The following MPZL1 variants were observed in gnomAD, a reference collection of about 807,000 sequenced individuals.
MPZL1 encodes the protein myelin protein zero-like protein 1.
Under a neutral mutation model 29.3 loss-of-function variants are expected in MPZL1, and 16 were observed. The observed-to-expected ratio is 0.55, with a 90% CI of 0.37 to 0.83. The LOEUF is 0.83. Among genes scored for constraint, MPZL1 ranks in the 40% least tolerant of loss-of-function variants. The pLI is 0.00. For missense variants in MPZL1, 279 were observed against 332.9 expected, an observed-to-expected ratio of 0.84 and a Z score of 1.26; for synonymous variants, 143 against 132.0, an observed-to-expected ratio of 1.08 and a Z score of -0.57.
chr1:167,787,922 G>A lies in MPZL1; in HGVS notation c.*1G>A. The A allele has an allele frequency of 6.2e-7, 1 of 1,602,866 alleles. No homozygotes were observed. The highest frequency in any genetic ancestry group is 8.5e-7 in the Non-Finnish European group (1 of 1,169,774). On this transcript the variant is annotated 3_prime_UTR_variant, in exon 6 of 6. Coordinates refer to ENST00000359523, the MANE Select transcript of MPZL1 (RefSeq NM_003953.6). ...GTATGCGGATATCCGAAAGAATTAA[G>A]AGAATACCTAGAACATATCCTCAGC...
At chr1:167,756,736 G>A (rs1660876462) in intron 1 of MPZL1, among the ~76,000 whole-genome samples, 1 of 151,864 alleles carries the variant, frequency 6.6e-6, no homozygotes, top group Non-Finnish European at 1.5e-5. Flanking sequence ...CATTTTTCCT[G>A]ACATTCAAAC....
rs1327043516 is a variant in MPZL1 at position 167,765,728 on chromosome 1, G to A, written c.237G>A (p.Glu79=). The A allele has an allele frequency of 6.2e-7, 1 of 1,611,438 alleles. No homozygotes were observed. Among genetic ancestry groups the A allele is most frequent in the African/African-American group, 1.3e-5 (1 of 74,938 alleles). ...LTSVSWSFQP[E]GADTTVSFFH... ...CAGTCTCCTGGAGCTTCCAGCCAGAGGGGGCCGACACTACTGTGTCGGTAA... is the reference window on the plus strand; with the variant it reads ...CAGTCTCCTGGAGCTTCCAGCCAGAAGGGGCCGACACTACTGTGTCGGTAA... The change falls in exon 2 of 6, where the codon GAG becomes GAA. Residue 79 remains glutamate (E), a synonymous_variant. Transcript: ENST00000359523.
intron 1 of MPZL1, among the ~76,000 whole-genome samples, chr1:167,722,832 T>C (rs1021621285): frequency 2.0e-5 from 3 of 152,212 alleles, no homozygotes; most frequent in Admixed American, 2.0e-4. Flanking sequence ...AAAAATATTG[T>C]TACTTCTAGG....
At position 167,758,881 on chromosome 1, in the gene MPZL1, C is replaced by T. The variant is rs536864947; in HGVS notation, c.92-6702C>T. On this transcript the variant is annotated intron_variant, in intron 1 of 5. Transcript: ENST00000359523. ...CAGGATTCGGTACTCCTTATAGAAC[C>T]GTTCCCCAGAGAGAAAGTAAGCTCA... Among the ~76,000 whole-genome samples the T allele has an allele frequency of 4.0e-4, 61 of 152,278 alleles. 1 individual carries two copies. The highest frequency in any genetic ancestry group is 3.4e-3 in the Middle Eastern group (1 of 294).
rs151168239 is a variant in MPZL1 at position 167,760,195 on chromosome 1, T to C, written c.92-5388T>C. 6.0e-3 allele frequency among the ~76,000 whole-genome samples: 919 copies of C among 152,128 alleles called. 5 individuals are homozygous for C. Among genetic ancestry groups the C allele is most frequent in the Middle Eastern group, 6.8e-3 (2 of 294 alleles). On this transcript the variant is annotated intron_variant, in intron 1 of 5. Transcript: ENST00000359523. ...AGAGATCAATTTCTAGATAGGTTTCTTTTGTTTTGTTTTGTTTTGTTTTTT... is the reference window on the plus strand; with the variant it reads ...AGAGATCAATTTCTAGATAGGTTTCCTTTGTTTTGTTTTGTTTTGTTTTTT...
At chr1:167,729,065 A>G (rs1479872467) in intron 1 of MPZL1, among the ~76,000 whole-genome samples, 14 of 152,044 alleles carry the variant, frequency 9.2e-5, no homozygotes, top group Non-Finnish European at 1.6e-4. Context: ...AAGGAGTACA[A>G]GACCAGCCTG....
chr1:167,787,577 G>A (rs1006333119), intron 5 of MPZL1, among the ~76,000 whole-genome samples: 1 of 152,246 alleles, frequency 6.6e-6, no homozygotes, highest in African/African-American at 2.4e-5. Flanking sequence ...CATCAAAAAG[G>A]TTTGAAAGAA....
intron 1 of MPZL1, among the ~76,000 whole-genome samples, chr1:167,723,003 C>G (rs13376029): frequency 0.053 from 8,092 of 152,140 alleles, 737 homozygotes; most frequent in African/African-American, 0.18. Flanking sequence ...TTTTTCTTAC[C>G]AAATATTGTG....
At chr1:167,769,041 CA>C (rs1170700933) in intron 2 of MPZL1, among the ~76,000 whole-genome samples, 1 of 152,182 alleles carries the variant, frequency 6.6e-6, no homozygotes, top group African/African-American at 2.4e-5. Context: ...GCTTTGAAAT[CA>C]GAGCTGAGTT....
intron 1 of MPZL1, among the ~76,000 whole-genome samples, chr1:167,738,264 A>C (rs1308822919): frequency 6.6e-6 from 1 of 151,928 alleles, no homozygotes; most frequent in Non-Finnish European, 1.5e-5. Flanking sequence ...TTTTTGATTT[A>C]ACTAAATAAT....
intron 1 of MPZL1, among the ~76,000 whole-genome samples, chr1:167,731,793 A>T (rs1465167042): frequency 6.6e-6 from 1 of 151,856 alleles, no homozygotes; most frequent in Non-Finnish European, 1.5e-5. Context: ...AGGAGGCAGG[A>T]GGATCACTTG....
intron 1 of MPZL1, among the ~76,000 whole-genome samples, chr1:167,737,096 G>A (rs377261466): frequency 4.9e-4 from 74 of 152,242 alleles, no homozygotes; most frequent in African/African-American, 1.7e-3. Flanking sequence ...TTGCCTCTAA[G>A]CTTCCTCTAT....
intron 1 of MPZL1, among the ~76,000 whole-genome samples, chr1:167,739,274 C>CATATATAT (rs201991698): frequency 1.3e-3 from 105 of 83,138 alleles, no homozygotes; most frequent in South Asian, 1.8e-3. Context: ...TACATATATA[C>CATATATAT]ATATATACAT....
intron 1 of MPZL1, among the ~76,000 whole-genome samples, chr1:167,756,929 G>A (rs542724624): frequency 6.6e-6 from 1 of 152,286 alleles, no homozygotes; most frequent in African/African-American, 2.4e-5. Context: ...AGGGTGGGGA[G>A]TGTGGGGCAG....
chr1:167,744,266 A>T (rs532345747), intron 1 of MPZL1, among the ~76,000 whole-genome samples: 30 of 152,232 alleles, frequency 2.0e-4, no homozygotes, highest in Admixed American at 7.9e-4. Context: ...GTTGCAGACC[A>T]CATAGTCACA....
Position 167,763,873 on chromosome 1 carries a change from A to T in MPZL1, c.92-1710A>T, listed in dbSNP as rs543552693. On this transcript the variant is annotated intron_variant, in intron 1 of 5. Transcript: ENST00000359523. ...TTTCGCAGAAAAAAAAATCTGCTTG[A>T]TGCAGTATGGCTATCAGTTTATTTA... Among the ~76,000 whole-genome samples the T allele has an allele frequency of 3.9e-5, 6 of 152,348 alleles. No homozygotes were observed. The East Asian group carries it at 9.6e-4, about 24-fold the overall frequency.
chr1:167,745,729 CAA>C (rs754590681), intron 1 of MPZL1, among the ~76,000 whole-genome samples: 7 of 151,886 alleles, frequency 4.6e-5, no homozygotes, highest in Non-Finnish European at 7.4e-5. Context: ...AGCTAAGAAA[CAA>C]GAGATAGAAG....
intron 5 of MPZL1, among the ~76,000 whole-genome samples, chr1:167,785,480 C>A (rs1661573578): frequency 6.6e-6 from 1 of 152,184 alleles, no homozygotes; most frequent in South Asian, 2.1e-4. Flanking sequence ...GAGCTGATCA[C>A]AAGATCAGCC....
At chr1:167,762,381 A>G (rs1001682270) in intron 1 of MPZL1, among the ~76,000 whole-genome samples, 1 of 152,230 alleles carries the variant, frequency 6.6e-6, no homozygotes, top group African/African-American at 2.4e-5. Context: ...ATGAACTGCG[A>G]ATTGGGCAGC....
Sources: allele counts gnomAD v4.1 joint callset (sites outside exome capture counted in the v4.1 genomes callset), GRCh38; gene constraint gnomAD v4.1.1; transcripts MANE v1.5; gene names NCBI Gene and HGNC (gene_info 2026-07-23, HGNC 2026-07-21).